Variants in RPH3A observed in about 807,000 individuals in gnomAD.
The protein encoded by RPH3A is rabphilin-3A.
RPH3A carries 48 observed loss-of-function variants against 102.2 expected under a neutral mutation model. The observed-to-expected ratio is 0.47, with a 90% CI of 0.37 to 0.60. RPH3A has a LOEUF of 0.60. RPH3A is among the 20% of genes least tolerant of loss of function. The pLI is 0.00. For missense variants in RPH3A, 781 were observed against 910.1 expected, an observed-to-expected ratio of 0.86 and a Z score of 1.83; for synonymous variants, 310 against 324.3, an observed-to-expected ratio of 0.96 and a Z score of 0.47.
intron 1 of RPH3A, among the ~76,000 whole-genome samples, chr12:112,735,601 C>A (rs2040663541): frequency 2.0e-5 from 3 of 152,178 alleles, no homozygotes. Context: ...TTTTTTGAAT[C>A]TGTGCCTGGC....
rs548826950 is a variant in RPH3A at position 112,764,522 on chromosome 12, G to C, written c.-139-27621G>C. Reference sequence around the variant, plus strand: ...TCTGGATTAATGTAGATTCTTTACAGATTTCCCCAACAAAAGACAGCTTTG... The same window carrying C: ...TCTGGATTAATGTAGATTCTTTACACATTTCCCCAACAAAAGACAGCTTTG... On this transcript the variant is annotated intron_variant, in intron 1 of 21. Transcript: ENST00000543106. 9.9e-4 allele frequency among the ~76,000 whole-genome samples: 151 copies of C among 152,264 alleles called. 2 individuals are homozygous for C. Among genetic ancestry groups the C allele is most frequent in the African/African-American group, 3.4e-3 (140 of 41,542 alleles).
intron 1 of RPH3A, among the ~76,000 whole-genome samples, chr12:112,712,879 T>TTTCTTCTTC (rs374301306): frequency 2.2e-5 from 3 of 136,746 alleles, no homozygotes; most frequent in African/African-American, 9.6e-5. Flanking sequence ...CTCACTTTTT[T>TTTCTTCTTC]TTCTTCTTCT....
At chr12:112,766,983 A>G (rs1372563469) in intron 1 of RPH3A, among the ~76,000 whole-genome samples, 1 of 152,172 alleles carries the variant, frequency 6.6e-6, no homozygotes, top group African/African-American at 2.4e-5. Context: ...TAGGTGAAAC[A>G]GGGTTAATGA....
chr12:112,775,515 G>T (rs2040960229), intron 1 of RPH3A, among the ~76,000 whole-genome samples: 1 of 152,128 alleles, frequency 6.6e-6, no homozygotes, highest in Non-Finnish European at 1.5e-5. Flanking sequence ...TCTTGGATGA[G>T]GGTACAGAAA....
intron 10 of RPH3A, among the ~76,000 whole-genome samples, chr12:112,870,329 A>AAAC (rs1048257726): frequency 6.7e-6 from 1 of 149,256 alleles, no homozygotes; most frequent in African/African-American, 2.5e-5. Context: ...AAAAAAAAAA[A>AAAC]CCCTGGGGGA....
chr12:112,688,564 A>G (rs1328590514), intron 1 of RPH3A, among the ~76,000 whole-genome samples: 1 of 152,188 alleles, frequency 6.6e-6, no homozygotes, highest in Non-Finnish European at 1.5e-5. Flanking sequence ...TAAAGCCCAT[A>G]GGTCTATAAG....
At chr12:112,787,711 T>G (rs2041061064), upstream of RPH3A, among the ~76,000 whole-genome samples, 4 of 152,184 alleles carry the variant, frequency 2.6e-5, no homozygotes, top group South Asian at 8.3e-4. Context: ...GGAGTCTCAG[T>G]TTCATAGAAC....
intron 1 of RPH3A, among the ~76,000 whole-genome samples, chr12:112,727,968 A>C (rs1344107476): frequency 6.6e-6 from 1 of 152,194 alleles, no homozygotes; most frequent in Non-Finnish European, 1.5e-5. Context: ...AGTCCAGTAT[A>C]TAAAAACCCA....
rs2136085286 is a variant in RPH3A, at chr12:112,791,866, G to GA, written c.-286_-285insA. On this transcript the variant is annotated 5_prime_UTR_variant, in exon 1 of 22. Transcript: ENST00000389385. ...ACGCGGACTGGAAAGGAAGGGAGAA[G>GA]GGAGAGAGAGAGAGAGAGAGAGAGA... The GA allele has an allele frequency of 4.8e-5, 7 of 146,290 alleles. No individual in the cohort carries two copies. Among genetic ancestry groups the GA allele is most frequent in the Admixed American group, 1.4e-4 (2 of 14,576 alleles). The allele number at this position is 146,290 out of a possible 1,614,324, so 9.1% of individuals were successfully genotyped here. A position where few individuals can be genotyped will look rare whatever the true frequency, so the allele number is the denominator to read the frequency against.
chr12:112,872,141 C>A (rs1240580980), intron 10 of RPH3A, among the ~76,000 whole-genome samples: 1 of 152,150 alleles, frequency 6.6e-6, no homozygotes, highest in South Asian at 2.1e-4. Context: ...GTGGCTGAGA[C>A]ATTTTTAGAT....
At chr12:112,670,393 G>C (rs1423444902) in intron 1 of RPH3A, among the ~76,000 whole-genome samples, 1 of 152,106 alleles carries the variant, frequency 6.6e-6, no homozygotes, top group Non-Finnish European at 1.5e-5. Context: ...ATTTTGGCCA[G>C]GCTGGTCTCG....
At chr12:112,843,832 G>T (rs894484596) in intron 4 of RPH3A, among the ~76,000 whole-genome samples, 1 of 152,158 alleles carries the variant, frequency 6.6e-6, no homozygotes, top group Non-Finnish European at 1.5e-5. Flanking sequence ...CCATTTCCAT[G>T]AAAACTGGTG....
intron 1 of RPH3A, among the ~76,000 whole-genome samples, chr12:112,598,541 C>T (rs753140609): frequency 1.5e-4 from 23 of 152,170 alleles, no homozygotes; most frequent in African/African-American, 4.6e-4. Flanking sequence ...GACAGACCAC[C>T]GCCTTTTGAG....
chr12:112,601,579 A>G (rs1033005880), intron 1 of RPH3A, among the ~76,000 whole-genome samples: 1 of 152,230 alleles, frequency 6.6e-6, no homozygotes, highest in Non-Finnish European at 1.5e-5. Flanking sequence ...ATTTTTTAAC[A>G]TAAAGTTTAA....
chr12:112,784,857 T>A (rs1381946467), intron 1 of RPH3A, among the ~76,000 whole-genome samples: 1 of 152,258 alleles, frequency 6.6e-6, no homozygotes, highest in Non-Finnish European at 1.5e-5. Flanking sequence ...AGGTTCTACA[T>A]GCTTACTTTA....
intron 1 of RPH3A, among the ~76,000 whole-genome samples, chr12:112,688,153 T>C (rs1162133314): frequency 6.6e-6 from 1 of 152,196 alleles, no homozygotes; most frequent in African/African-American, 2.4e-5. Flanking sequence ...CAAAATCCTT[T>C]CTAGAACTGA....
At position 112,849,971 on chromosome 12, in the gene RPH3A, C is replaced by A. The variant is rs372283917; in HGVS notation, c.230+2129C>A. Among the ~76,000 whole-genome samples the A allele has an allele frequency of 4.6e-5, 7 of 152,304 alleles. No individual in the cohort carries two copies. The East Asian group carries it at 9.6e-4, about 21-fold the overall frequency. On this transcript the variant is annotated intron_variant, in intron 5 of 21. Coordinates refer to ENST00000389385, the MANE Select transcript of RPH3A (RefSeq NM_001143854.2). ...TCAGGGGAGGTCCTTGTGGACTGAG[C>A]AGATCCCAGCTTAAATGATCTAGAA...
At chr12:112,826,308 G>A (rs2041871729) in intron 2 of RPH3A, among the ~76,000 whole-genome samples, 1 of 152,218 alleles carries the variant, frequency 6.6e-6, no homozygotes. Flanking sequence ...GAGGGCGTGA[G>A]AAGAGTGGAA....
intron 2 of RPH3A, among the ~76,000 whole-genome samples, chr12:112,815,205 A>G (rs2041650658): frequency 6.6e-6 from 1 of 152,242 alleles, no homozygotes; most frequent in South Asian, 2.1e-4. Context: ...CAGGGCACAG[A>G]GCAGGATGGA....
Sources: gnomAD v4.1 joint callset for allele counts (sites outside exome capture counted in the v4.1 genomes callset) on GRCh38, gnomAD v4.1.1 for gene constraint, MANE v1.5 for transcripts, NCBI Gene and HGNC (gene_info 2026-07-23, HGNC 2026-07-21) for gene names.